Variants in SLC1A1 observed in about 807,000 individuals in gnomAD.
The protein encoded by SLC1A1 is solute carrier family 1 member 1.
A neutral mutation model predicts 53.3 loss-of-function variants in SLC1A1; 43 were observed. The ratio of observed to expected loss-of-function variants is 0.81; its 90% CI spans 0.63 to 1.04. The LOEUF (loss-of-function observed/expected upper bound fraction) is 1.04, where lower values mean the gene tolerates loss of function less well. Ranked by LOEUF, SLC1A1 falls within the 50% of genes least tolerant of loss-of-function variation. The pLI, the probability that SLC1A1 is intolerant of heterozygous loss-of-function variation, is 0.00. For synonymous variants in SLC1A1, 307 were observed against 243.2 expected, an observed-to-expected ratio of 1.26 and a Z score of -2.44; for missense variants, 748 against 664.9, an observed-to-expected ratio of 1.12 and a Z score of -1.37.
intron 3 of SLC1A1, 122 bp downstream of exon 3, chr9:4,561,663 G>A: frequency 1.6e-5 from 12 of 752,566 alleles, no homozygotes; most frequent in Non-Finnish European, 2.7e-5. Context: ...AGGCTGATGT[G>A]GGCAGATCCC....
chr9:4,516,393 C>T (rs1586703933), intron 1 of SLC1A1, among the ~76,000 whole-genome samples: 3 of 152,122 alleles, frequency 2.0e-5, no homozygotes, highest in Admixed American at 2.0e-4. Context: ...TTCTCTTGAT[C>T]TTTTTTTTCT....
chr9:4,516,363 T>G (rs1821160482), intron 1 of SLC1A1, among the ~76,000 whole-genome samples: 1 of 152,210 alleles, frequency 6.6e-6, no homozygotes, highest in African/African-American at 2.4e-5. Context: ...GCTGTGGGGA[T>G]GTGGCAGAGC....
chr9:4,567,773 A>T lies in SLC1A1; in HGVS notation c.582+6A>T, dbSNP rs76311603. On this transcript the variant is annotated splice_donor_region_variant and intron_variant, in intron 6 of 11. Transcript: ENST00000262352. ...TGACAACTGCAATTTCCAAGGTACC[A>T]TTCTTATTTCCTGTTCCTCTTCCCC... The T allele has an allele frequency of 6.4e-7, 1 of 1,558,888 alleles. No individual in the cohort carries two copies. The highest frequency in any genetic ancestry group is 8.8e-7 in the Non-Finnish European group (1 of 1,130,120).
chr9:4,509,221 G>A lies in SLC1A1; in HGVS notation c.91+18451G>A, dbSNP rs182232370. Among the ~76,000 whole-genome samples the A allele has an allele frequency of 1.7e-3, 263 of 152,260 alleles. 1 individual carries two copies. Among genetic ancestry groups the A allele is most frequent in the African/African-American group, 6.2e-3 (258 of 41,548 alleles). ...TGGAGCATCTTTAAGAAATAGCAAG[G>A]AGTTTGCTGTGACTGGATCTGCTGG... On this transcript the variant is annotated intron_variant, in intron 1 of 11. Coordinates refer to ENST00000262352, the MANE Select transcript of SLC1A1 (RefSeq NM_004170.6).
In SLC1A1 at chr9:4,543,578, T is replaced by G. The variant is rs1817198737; in HGVS notation, c.92-989T>G. On this transcript the variant is annotated intron_variant, in intron 1 of 11. Transcript: ENST00000262352. The stretch of plus-strand genomic sequence containing the variant: ...GCTTTCAGAGAATGGTAACATTTCT[T>G]AATAGTGAACATGTCCCTACACTCA... 2.0e-5 allele frequency among the ~76,000 whole-genome samples: 3 copies of G among 152,050 alleles called. No individual in the cohort carries two copies. In the South Asian group the frequency reaches 6.2e-4, roughly 32 times the overall value.
chr9:4,508,586 A>G (rs951319859), intron 1 of SLC1A1, among the ~76,000 whole-genome samples: 1 of 152,210 alleles, frequency 6.6e-6, no homozygotes, highest in Non-Finnish European at 1.5e-5. Context: ...AAAGGAGAAC[A>G]TCTCACAAGT....
rs1454546404 is a variant in SLC1A1 at position 4,579,885 on chromosome 9, AAT to A, written c.1193+3125_1193+3126del. Reference sequence around the variant, plus strand: ...TACAACGGATTGAAAATTGTGTGAGAATATGTGTCAAAATGGAAAAAAAAAGG... The same window carrying A: ...TACAACGGATTGAAAATTGTGTGAGAATGTGTCAAAATGGAAAAAAAAAGG... On this transcript the variant is annotated intron_variant, in intron 10 of 11. Transcript: ENST00000262352. Among the ~76,000 whole-genome samples the A allele has an allele frequency of 5.9e-5, 9 of 152,084 alleles. 1 individual carries two copies. Among genetic ancestry groups the A allele is most frequent in the South Asian group, 4.1e-4 (2 of 4,820 alleles).
chr9:4,528,735 G>A (rs570403522), intron 1 of SLC1A1, among the ~76,000 whole-genome samples: 4 of 152,234 alleles, frequency 2.6e-5, no homozygotes, highest in Admixed American at 6.5e-5. Flanking sequence ...AACAGTACAT[G>A]CTTCTCAGTC....
chr9:4,549,355 G>A lies in SLC1A1; in HGVS notation c.232+4648G>A, dbSNP rs1465587015. Among the ~76,000 whole-genome samples, 4 of 152,164 alleles carry A rather than the reference G, an allele frequency of 2.6e-5. No homozygotes were observed. Among genetic ancestry groups the A allele is most frequent in the Admixed American group, 6.5e-5 (1 of 15,278 alleles). On this transcript the variant is annotated intron_variant, in intron 2 of 11. Transcript: ENST00000262352. This position sits in a 1 kb window ranked among gnomAD's most constrained non-coding sequence, Gnocchi z 4.1. ...TCCGCTCTTTGCTCCTCCATCCTAA[G>A]ACAGGAGCAGAAGCTTAATTCTCCA...
intron 5 of SLC1A1, among the ~76,000 whole-genome samples, chr9:4,567,088 C>G (rs574808789): frequency 6.6e-6 from 1 of 152,322 alleles, no homozygotes; most frequent in South Asian, 2.1e-4. Context: ...ATAATATACT[C>G]ACTCTTTCTT....
At chr9:4,576,264 T>C in intron 9 of SLC1A1, 141 bp downstream of exon 9, 2 of 822,526 alleles carry the variant, frequency 2.4e-6, no homozygotes, top group East Asian at 2.5e-5. Context: ...CCCCTGGCCC[T>C]GAACACATTG....
chr9:4,572,272 C>T lies in SLC1A1; in HGVS notation c.651C>T (p.Val217=), dbSNP rs1164531395. The part of the protein sequence containing the change: ...SDGINVLGLI[V]FCLVFGLVIG... Reference sequence around the variant, plus strand: ...GCATAAACGTCCTGGGCTTGATTGTCTTTTGCCTTGTCTTTGGACTTGTCA... The same window carrying T: ...GCATAAACGTCCTGGGCTTGATTGTTTTTTGCCTTGTCTTTGGACTTGTCA... Residue 217 remains valine (V), a synonymous_variant, in exon 7 of 12, where the codon GTC becomes GTT. Transcript: ENST00000262352. The T allele has an allele frequency of 1.2e-6, 2 of 1,614,058 alleles. No homozygotes were observed. Among genetic ancestry groups the T allele is most frequent in the Non-Finnish European group, 1.7e-6 (2 of 1,179,946 alleles).
chr9:4,534,908 C>G (rs184390476), intron 1 of SLC1A1, among the ~76,000 whole-genome samples: 30 of 152,214 alleles, frequency 2.0e-4, no homozygotes, highest in Non-Finnish European at 4.1e-4. Flanking sequence ...TCAACATATG[C>G]AAATCAATAA....
intron 1 of SLC1A1, among the ~76,000 whole-genome samples, chr9:4,541,681 G>A (rs977769610): frequency 1.3e-5 from 2 of 152,176 alleles, no homozygotes; most frequent in Non-Finnish European, 2.9e-5. Flanking sequence ...TGTGACTCAG[G>A]TTCCATAATC....
chr9:4,577,025 T>C (rs987755977), intron 10 of SLC1A1, among the ~76,000 whole-genome samples: 3 of 152,284 alleles, frequency 2.0e-5, no homozygotes, highest in South Asian at 2.1e-4. Context: ...GACTCAAGGC[T>C]GAGTAAGGGC....
chr9:4,491,310 G>T (rs868082078), intron 1 of SLC1A1, among the ~76,000 whole-genome samples: 4 of 152,172 alleles, frequency 2.6e-5, no homozygotes, highest in African/African-American at 7.2e-5. Flanking sequence ...GCGTGGAAAG[G>T]TGCCTTCCCA....
chr9:4,546,254 A>C (rs548782800), intron 2 of SLC1A1, among the ~76,000 whole-genome samples: 8 of 152,282 alleles, frequency 5.3e-5, no homozygotes, highest in African/African-American at 1.9e-4. Flanking sequence ...TATTTTTATG[A>C]ATGTATTTAA....
At chr9:4,557,626 TA>T (rs538528891) in intron 2 of SLC1A1, among the ~76,000 whole-genome samples, 185 of 149,044 alleles carry the variant, frequency 1.2e-3, no homozygotes, top group African/African-American at 3.5e-3. Context: ...TCTCTACAAT[TA>T]AAAAAAAAAA....
At chr9:4,513,277 G>T (rs965282927) in intron 1 of SLC1A1, among the ~76,000 whole-genome samples, 1 of 152,156 alleles carries the variant, frequency 6.6e-6, no homozygotes, top group Admixed American at 6.5e-5. Flanking sequence ...TACAGACTGG[G>T]AGAAAAGAAT....
Sources: gnomAD v4.1 joint callset for allele counts (sites outside exome capture counted in the v4.1 genomes callset) on GRCh38, gnomAD v4.1.1 for gene constraint, Gnocchi (gnomAD v3.1) non-coding constraint, MANE v1.5 for transcripts, NCBI Gene and HGNC (gene_info 2026-07-23, HGNC 2026-07-21) for gene names.